Variants in BMF observed in about 807,000 individuals in gnomAD.
BMF encodes the protein bcl-2-modifying factor.
Under a neutral mutation model 22.0 loss-of-function variants are expected in BMF, and 10 were observed. That is an observed-to-expected ratio of 0.45 (90% confidence interval 0.28 to 0.77). The LOEUF (loss-of-function observed/expected upper bound fraction) is 0.77, where lower values mean the gene tolerates loss of function less well. Ranked by LOEUF, BMF falls within the 30% of genes least tolerant of loss-of-function variation. The pLI is 0.13. For missense variants in BMF, 206 were observed against 226.8 expected, an observed-to-expected ratio of 0.91 and a Z score of 0.59; for synonymous variants, 87 against 88.1, an observed-to-expected ratio of 0.99 and a Z score of 0.07.
Position 40,105,706 on chromosome 15 carries a change from G to A in BMF, c.292+89C>T, listed in dbSNP as rs537109427. 33 of 1,434,406 alleles carry A rather than the reference G, an allele frequency of 2.3e-5. 1 individual carries two copies. In the South Asian group the frequency reaches 4.3e-4, roughly 19 times the overall value. The allele number at this position is 1,434,406 out of a possible 1,614,324, so 88.9% of individuals were successfully genotyped here. On this transcript the variant is annotated intron_variant, in intron 3 of 4. Coordinates refer to ENST00000354670, the MANE Select transcript of BMF (RefSeq NM_001003940.2). ...AGCCCCGCTGATCACTTTGGGGGAA[G>A]GAAACAGCAAAGGGCAGGTTTGGGG...
chr15:40,108,245 CACACA>C lies in BMF; in HGVS notation c.-6+9_-6+13del. On this transcript the variant is annotated intron_variant, in intron 2 of 4. Coordinates refer to ENST00000354670, the MANE Select transcript of BMF (RefSeq NM_001003940.2). ...ACACACACACACACACACACACACA[CACACA>C]CCCCAGACCTGGGTGACTCCAGGAG... 6.5e-6 allele frequency: 1 copy of C among 154,618 alleles called. No homozygotes were observed. Among genetic ancestry groups the C allele is most frequent in the African/African-American group, 2.4e-5 (1 of 41,364 alleles). 9.6% of individuals were successfully genotyped at this position (154,618 alleles called of 1,614,324 possible). A position where few individuals can be genotyped will look rare whatever the true frequency, so the allele number is the denominator to read the frequency against.
At chr15:40,107,813 C>T (rs1185620510) in intron 2 of BMF, among the ~76,000 whole-genome samples, 1 of 152,078 alleles carries the variant, frequency 6.6e-6, no homozygotes, top group Non-Finnish European at 1.5e-5. Flanking sequence ...CCTCCCCCTC[C>T]CAGCAAAGCC....
intron 4 of BMF, among the ~76,000 whole-genome samples, chr15:40,096,232 T>C (rs1417159113): frequency 6.7e-6 from 1 of 150,308 alleles, no homozygotes; most frequent in African/African-American, 2.5e-5. Context: ...AATCAAACTC[T>C]GTTTCATCCC....
Position 40,089,768 on chromosome 15 carries a change from C to G in BMF, c.*2019G>C, listed in dbSNP as rs1021865796. 2 of 152,236 alleles carry G rather than the reference C, an allele frequency of 1.3e-5. No individual in the cohort carries two copies. Among genetic ancestry groups the G allele is most frequent in the Non-Finnish European group, 2.9e-5 (2 of 68,054 alleles). The allele number at this position is 152,236 out of a possible 1,614,324, so 9.4% of individuals were successfully genotyped here. On this transcript the variant is annotated 3_prime_UTR_variant, in exon 5 of 5. Transcript: ENST00000354670. ...CAGGCTGCCTGTCACCACCTTGATC[C>G]AGAGAGGGGAGAACAACGTATGTCC...
At chr15:40,107,535 TG>T (rs1362282709) in intron 2 of BMF, among the ~76,000 whole-genome samples, 3 of 59,552 alleles carry the variant, frequency 5.0e-5, no homozygotes, top group Admixed American at 1.6e-4. Context: ...GTTTCCCAAG[TG>T]TGTGTGTGTG....
chr15:40,097,703 T>C (rs2036394493), intron 4 of BMF, among the ~76,000 whole-genome samples: 1 of 152,216 alleles, frequency 6.6e-6, no homozygotes, highest in Non-Finnish European at 1.5e-5. Flanking sequence ...AAGAAAAATA[T>C]ACATGAAGCA....
intron 4 of BMF, among the ~76,000 whole-genome samples, chr15:40,092,761 A>C (rs1044835718): frequency 3.9e-5 from 6 of 152,038 alleles, no homozygotes; most frequent in Non-Finnish European, 8.8e-5. Context: ...CTGCCCACAC[A>C]GGTACCATTT....
chr15:40,104,998 T>C (rs2036555590), intron 3 of BMF, among the ~76,000 whole-genome samples: 1 of 152,076 alleles, frequency 6.6e-6, no homozygotes, highest in South Asian at 2.1e-4. Flanking sequence ...CTCGCTCCTT[T>C]CCCTCTTCCC....
At chr15:40,095,182 C>T (rs548156970) in intron 4 of BMF, among the ~76,000 whole-genome samples, 11 of 152,348 alleles carry the variant, frequency 7.2e-5, no homozygotes, top group African/African-American at 2.6e-4. Context: ...TGGCCTTCTC[C>T]CGCCTCAGGG....
rs959546135 is a variant in BMF, at chr15:40,091,107, G to A, written c.*680C>T. On this transcript the variant is annotated 3_prime_UTR_variant, in exon 5 of 5. Coordinates refer to ENST00000354670, the MANE Select transcript of BMF (RefSeq NM_001003940.2). Reference sequence around the variant, plus strand: ...GTTTTGAGGCCTAGCCAGAAGTTTGGTTCATTTTGCGACATGTTTGAGGGG... The same window carrying A: ...GTTTTGAGGCCTAGCCAGAAGTTTGATTCATTTTGCGACATGTTTGAGGGG... The A allele has an allele frequency of 6.5e-6, 1 of 152,780 alleles. No individual in the cohort carries two copies. The highest frequency in any genetic ancestry group is 1.5e-5 in the Non-Finnish European group (1 of 68,144). The allele number at this position is 152,780 out of a possible 1,614,324, so 9.5% of individuals were successfully genotyped here.
intron 4 of BMF, among the ~76,000 whole-genome samples, chr15:40,099,138 G>A (rs893562003): frequency 1.3e-5 from 2 of 152,172 alleles, no homozygotes; most frequent in Non-Finnish European, 2.9e-5. Flanking sequence ...GCCCCTGCCC[G>A]GGGCTGTCCC....
intron 4 of BMF, among the ~76,000 whole-genome samples, chr15:40,092,135 T>C (rs1385136785): frequency 6.6e-6 from 1 of 152,204 alleles, no homozygotes; most frequent in African/African-American, 2.4e-5. Flanking sequence ...CTATATGCAC[T>C]ATGCACAAGA....
chr15:40,091,897 A>G lies in BMF; in HGVS notation c.454-9T>C. The G allele has an allele frequency of 1.3e-6, 2 of 1,556,752 alleles. No homozygotes were observed. Among genetic ancestry groups the G allele is most frequent in the Non-Finnish European group, 1.7e-6 (2 of 1,143,074 alleles). On this transcript the variant is annotated splice_polypyrimidine_tract_variant and intron_variant, in intron 4 of 4. Transcript: ENST00000354670. ...TTTTGGTTCTGCTGGTGCTGAAGGG[A>G]GAAAAAAAAAAAAGACCAACATAAC...
At chr15:40,105,022 T>A (rs894237298) in intron 3 of BMF, among the ~76,000 whole-genome samples, 3 of 152,236 alleles carry the variant, frequency 2.0e-5, no homozygotes, top group African/African-American at 7.2e-5. Flanking sequence ...CTGCCCGCCT[T>A]ATCCAACTTC....
Position 40,108,865 on chromosome 15 carries a change from T to C in BMF, c.-226A>G, listed in dbSNP as rs2036640416. On this transcript the variant is annotated 5_prime_UTR_variant, in exon 1 of 5. It adds an upstream start codon to the 5' untranslated region. Transcript: ENST00000354670. ...GAGGAGGCCACTCCGCACGGTGCGG[T>C]ATTGTTTCCAAAATACGCCTGCTCG... The C allele has an allele frequency of 6.5e-6, 1 of 153,212 alleles. No individual in the cohort carries two copies. Among genetic ancestry groups the C allele is most frequent in the Non-Finnish European group, 1.5e-5 (1 of 68,144 alleles). The allele number at this position is 153,212 out of a possible 1,614,324, so 9.5% of individuals were successfully genotyped here.
At chr15:40,102,464 G>GCCT (rs1484312231) in intron 4 of BMF, among the ~76,000 whole-genome samples, 1 of 150,418 alleles carries the variant, frequency 6.6e-6, no homozygotes, top group East Asian at 1.9e-4. Flanking sequence ...TGGGATAAGG[G>GCCT]CCTCCTCCTC....
chr15:40,101,617 G>A (rs201020129), intron 4 of BMF, among the ~76,000 whole-genome samples: 1 of 152,316 alleles, frequency 6.6e-6, no homozygotes, highest in African/African-American at 2.4e-5. Context: ...ATCTTAGACT[G>A]TAGTTTATAT....
rs1189998239 is a variant in BMF at position 40,105,840 on chromosome 15, T to A, written c.247A>T (p.Met83Leu). ...TCCTCAGTCACCCCACAAGGCAGCA[T>A]GACACCTTGGCTGGGGGAGGCTGGG... is the stretch of plus-strand genomic sequence containing the variant. ...LSPASPSQGV[M>L]LPCGVTEEPQ... Residue 83 changes from methionine (M) to leucine (L), a missense_variant, in exon 3 of 5, where the codon ATG (methionine) becomes TTG (leucine). Coordinates refer to ENST00000354670, the MANE Select transcript of BMF (RefSeq NM_001003940.2). 2 of 1,610,626 alleles carry A rather than the reference T, an allele frequency of 1.2e-6. No individual in the cohort carries two copies. Among genetic ancestry groups the A allele is most frequent in the Non-Finnish European group, 1.7e-6 (2 of 1,178,196 alleles).
chr15:40,092,787 G>A (rs1054067942), intron 4 of BMF, among the ~76,000 whole-genome samples: 17 of 152,194 alleles, frequency 1.1e-4, no homozygotes, highest in Admixed American at 4.6e-4. Flanking sequence ...GAGAGGCCTG[G>A]GGGGGTGGAA....
Sources: gnomAD v4.1 joint callset for allele counts (sites outside exome capture counted in the v4.1 genomes callset) on GRCh38, gnomAD v4.1.1 for gene constraint, MANE v1.5 for transcripts, NCBI Gene and HGNC (gene_info 2026-07-23, HGNC 2026-07-21) for gene names.